The following GK5 variants were observed in gnomAD, a reference collection of about 807,000 sequenced individuals.
The protein encoded by GK5 is ATP:glycerol 3-phosphotransferase 5.
In GK5, 39 loss-of-function variants were observed where a neutral mutation model predicts 77.3. That is an observed-to-expected ratio of 0.50 (90% confidence interval 0.39 to 0.66). The LOEUF is 0.66. Ranked by LOEUF, GK5 falls within the 30% of genes least tolerant of loss-of-function variation. The pLI, the probability that GK5 is intolerant of heterozygous loss-of-function variation, is 0.00. For missense variants in GK5, 487 were observed against 633.8 expected (o/e 0.77, Z 2.49); for synonymous variants, 211 against 208.0 (o/e 1.01, Z -0.13).
intron 1 of GK5, among the ~76,000 whole-genome samples, chr3:142,222,881 G>A (rs1235464222): frequency 1.3e-5 from 2 of 152,144 alleles, no homozygotes; most frequent in African/African-American, 4.8e-5. Context: ...TGCTACACAA[G>A]TTTCTAAATG....
Position 142,171,268 on chromosome 3 carries a change from TG to T in GK5, c.1307+150del, listed in dbSNP as rs757349315. ...AATTAAAAAAAAAAGAATTTTGTTG[TG>T]AAGGAGCTAAGCAGAAATTATTTTT... On this transcript the variant is annotated intron_variant, in intron 14 of 15. Transcript: ENST00000392993. The T allele has an allele frequency of 3.3e-4, 209 of 641,294 alleles. 1 individual carries two copies. The highest frequency in any genetic ancestry group is 4.8e-4 in the Non-Finnish European group (204 of 427,894). 39.7% of individuals were successfully genotyped at this position (641,294 alleles called of 1,614,324 possible).
At position 142,224,747 on chromosome 3, in the gene GK5, G is replaced by A. The variant is rs72997059; in HGVS notation, c.147+562C>T. ...TAAGGAACCAGCATTTTGTGGAGTAGTAGTTAATAAAGATGACAAGTGAAG... is the reference window on the plus strand; with the variant it reads ...TAAGGAACCAGCATTTTGTGGAGTAATAGTTAATAAAGATGACAAGTGAAG... On this transcript the variant is annotated intron_variant, in intron 1 of 15. Transcript: ENST00000392993. Among the ~76,000 whole-genome samples the A allele has an allele frequency of 2.3e-3, 352 of 152,176 alleles. 1 individual carries two copies. Among genetic ancestry groups the A allele is most frequent in the African/African-American group, 8.1e-3 (337 of 41,470 alleles).
chr3:142,189,889 A>G (rs2063824986), intron 5 of GK5, among the ~76,000 whole-genome samples: 2 of 152,212 alleles, frequency 1.3e-5, no homozygotes, highest in African/African-American at 4.8e-5. Context: ...AGGCTCTCAA[A>G]TTCTACACAG....
intron 3 of GK5, among the ~76,000 whole-genome samples, chr3:142,209,148 C>CAA (rs200845861): frequency 3.9e-4 from 52 of 132,112 alleles, no homozygotes; most frequent in African/African-American, 1.2e-3. Flanking sequence ...GACTCCGCCT[C>CAA]AAAAAAAAAA....
At chr3:142,188,198 A>C (rs897412587) in intron 5 of GK5, among the ~76,000 whole-genome samples, 1 of 151,992 alleles carries the variant, frequency 6.6e-6, no homozygotes, top group Non-Finnish European at 1.5e-5. Context: ...GGAGTTCAAG[A>C]CCAGCCTAGC....
chr3:142,187,298 A>AG (rs999579518), intron 6 of GK5, among the ~76,000 whole-genome samples: 11 of 151,810 alleles, frequency 7.2e-5, no homozygotes, highest in African/African-American at 2.2e-4. Flanking sequence ...GAGTACAGGA[A>AG]GGGGGAAAAA....
intron 3 of GK5, among the ~76,000 whole-genome samples, chr3:142,212,159 C>T (rs2064195982): frequency 6.6e-6 from 1 of 152,048 alleles, no homozygotes; most frequent in South Asian, 2.1e-4. Context: ...TCAAGATGTC[C>T]TTTGGAGCCT....
chr3:142,202,799 A>G (rs1390463348), intron 4 of GK5, among the ~76,000 whole-genome samples: 1 of 152,150 alleles, frequency 6.6e-6, no homozygotes, highest in African/African-American at 2.4e-5. Context: ...TCTACTAAAA[A>G]CACAAAAATT....
intron 1 of GK5, among the ~76,000 whole-genome samples, chr3:142,220,284 C>T (rs1258435914): frequency 2.0e-5 from 3 of 152,100 alleles, no homozygotes; most frequent in East Asian, 1.9e-4. Context: ...TACAGGCACC[C>T]GCCACCACGC....
chr3:142,180,550 C>T (rs1251262489), intron 11 of GK5, among the ~76,000 whole-genome samples: 1 of 152,184 alleles, frequency 6.6e-6, no homozygotes, highest in Non-Finnish European at 1.5e-5. Context: ...AATCCACGTG[C>T]CTCAGCCCCG....
intron 3 of GK5, among the ~76,000 whole-genome samples, chr3:142,206,880 T>G (rs1309408501): frequency 6.6e-6 from 1 of 152,222 alleles, no homozygotes; most frequent in African/African-American, 2.4e-5. Flanking sequence ...TATTCTTCAA[T>G]CCAATCGTGA....
At chr3:142,191,997 C>T (rs1213708404) in intron 5 of GK5, among the ~76,000 whole-genome samples, 1 of 151,930 alleles carries the variant, frequency 6.6e-6, no homozygotes. Context: ...GAATCTGTCT[C>T]AAAACAAACA....
intron 3 of GK5, among the ~76,000 whole-genome samples, chr3:142,207,752 GTT>G (rs1198479205): frequency 6.6e-6 from 1 of 152,120 alleles, no homozygotes; most frequent in African/African-American, 2.4e-5. Flanking sequence ...TCACTATCTT[GTT>G]TGTGTCTATT....
intron 3 of GK5, among the ~76,000 whole-genome samples, chr3:142,206,593 G>T (rs2064111287): frequency 6.6e-6 from 1 of 152,154 alleles, no homozygotes; most frequent in African/African-American, 2.4e-5. Context: ...GAACTGCATT[G>T]TTGCTTTCTT....
intron 3 of GK5, among the ~76,000 whole-genome samples, chr3:142,212,332 C>T (rs753375276): frequency 4.0e-5 from 6 of 151,784 alleles, no homozygotes; most frequent in Admixed American, 1.3e-4. Context: ...CCAAGGAATT[C>T]GAGACCAGCT....
At chr3:142,176,561 G>C (rs1008065838) in intron 12 of GK5, among the ~76,000 whole-genome samples, 4 of 150,542 alleles carry the variant, frequency 2.7e-5, no homozygotes, top group Admixed American at 6.6e-5. Context: ...TAAATACAAA[G>C]TTAAATGTTA....
At chr3:142,175,412 G>T (rs957552284) in intron 12 of GK5, among the ~76,000 whole-genome samples, 17 of 152,214 alleles carry the variant, frequency 1.1e-4, no homozygotes, top group Admixed American at 1.3e-4. Flanking sequence ...GACTATTAGG[G>T]GCCTTCAACA....
intron 9 of GK5, 138 bp from the exon 10 acceptor site, chr3:142,183,187 A>T (rs75121621): frequency 1.4e-6 from 1 of 738,938 alleles, no homozygotes; most frequent in Non-Finnish European, 2.1e-6. Flanking sequence ...AAAAAAAAAA[A>T]TCCCAAAGAG....
rs1215193737 is a variant in GK5 at position 142,198,991 on chromosome 3, C to T, written c.412-58G>A. On this transcript the variant is annotated intron_variant, in intron 4 of 15. Transcript: ENST00000392993. ...CATTTAGTAGTGTTTAAAATTTCCA[C>T]ATCAATTCTATATACATGCAAACAA... 7 of 1,324,436 alleles carry T rather than the reference C, an allele frequency of 5.3e-6. No homozygotes were observed. The East Asian group carries it at 1.0e-4, about 19-fold the overall frequency. The allele number at this position is 1,324,436 out of a possible 1,614,324, so 82.0% of individuals were successfully genotyped here.
Sources: gnomAD v4.1 joint callset for allele counts (sites outside exome capture counted in the v4.1 genomes callset) on GRCh38, gnomAD v4.1.1 for gene constraint, MANE v1.5 for transcripts, NCBI Gene and HGNC (gene_info 2026-07-23, HGNC 2026-07-21) for gene names.